Variants in KIAA0825 observed in about 807,000 individuals in gnomAD.
KIAA0825 encodes the protein KIAA0825, also known as uncharacterized protein KIAA0825.
Under a neutral mutation model 147.6 loss-of-function variants are expected in KIAA0825, and 119 were observed. The observed-to-expected ratio is 0.81, with a 90% CI of 0.69 to 0.94. The LOEUF (loss-of-function observed/expected upper bound fraction) is 0.94. Among genes scored for constraint, KIAA0825 ranks in the 40% least tolerant of loss-of-function variants. KIAA0825 has a pLI of 0.00. For synonymous variants in KIAA0825, 470 were observed against 518.1 expected (o/e 0.91, Z 1.26); for missense variants, 1,381 against 1,472.7 (o/e 0.94, Z 1.02).
chr5:94,583,525 C>T (rs1042520941), intron 1 of KIAA0825, among the ~76,000 whole-genome samples: 1 of 152,214 alleles, frequency 6.6e-6, no homozygotes, highest in Admixed American at 6.5e-5. Flanking sequence ...GGCCCAGAAG[C>T]TCGAACTGGG....
chr5:94,185,834 A>G (rs924726443), intron 20 of KIAA0825, among the ~76,000 whole-genome samples: 6 of 152,230 alleles, frequency 3.9e-5, no homozygotes, highest in Non-Finnish European at 5.9e-5. Flanking sequence ...ATCATTTACT[A>G]GCAAGTTACA....
rs1302245620 is a variant in KIAA0825 at position 94,417,207 on chromosome 5, T to G, written c.2656A>C (p.Ile886Leu). Reference protein sequence around the residue: ...EEQLWDFLYNIPVSTCVEYEL... With the variant: ...EEQLWDFLYNLPVSTCVEYEL... ...AACAGTAAATGTCTCATACCTGGGA[T>G]GTTATATAAAAAGTCCCATAATTGC... The change falls in exon 15 of 21, where the codon ATC becomes CTC. Residue 886 changes from isoleucine to leucine, a missense_variant. Coordinates refer to ENST00000682413, the MANE Select transcript of KIAA0825 (RefSeq NM_001145678.3). 2 of 1,550,360 alleles carry G rather than the reference T, an allele frequency of 1.3e-6. No individual in the cohort carries two copies. Among genetic ancestry groups the G allele is most frequent in the Non-Finnish European group, 1.7e-6 (2 of 1,146,094 alleles).
intron 20 of KIAA0825, among the ~76,000 whole-genome samples, chr5:94,206,781 TA>T (rs1772240026): frequency 6.6e-6 from 1 of 152,174 alleles, no homozygotes; most frequent in Non-Finnish European, 1.5e-5. Context: ...GTCTCTCCTA[TA>T]AGGTCTCATC....
At chr5:94,417,394 A>ATTTCTTGAAAG in intron 14 of KIAA0825, 29 bp from the exon 15 acceptor site, 1 of 1,524,806 alleles carries the variant, frequency 6.6e-7, no homozygotes, top group Non-Finnish European at 8.9e-7. Flanking sequence ...GAAAGGAATC[A>ATTTCTTGAAAG]AAATGATTTA....
intron 20 of KIAA0825, among the ~76,000 whole-genome samples, chr5:94,215,509 A>C (rs904247540): frequency 2.2e-4 from 34 of 152,202 alleles, no homozygotes; most frequent in Non-Finnish European, 2.9e-5. Context: ...CAAACAATGT[A>C]GAAATATGGT....
chr5:94,458,754 A>T (rs73773671), intron 12 of KIAA0825, among the ~76,000 whole-genome samples: 4,303 of 148,628 alleles, frequency 0.029, 152 homozygotes, highest in African/African-American at 0.083. Flanking sequence ...CTTTTTTTTA[A>T]AAAAAAAAAA....
In KIAA0825 at chr5:94,512,857, C is replaced by T. The variant is rs919696248; in HGVS notation, c.970+7391G>A. ...GTTGCAGTGAGCTGAGATCGCATCA[C>T]TGCACTCCAGCCTGAGCGATAGAGC... is the stretch of plus-strand genomic sequence containing the variant. On this transcript the variant is annotated intron_variant, in intron 5 of 20. Transcript: ENST00000682413. Among the ~76,000 whole-genome samples the T allele has an allele frequency of 2.0e-4, 30 of 152,072 alleles. 1 individual carries two copies. The highest frequency in any genetic ancestry group is 2.0e-3 in the Admixed American group (30 of 15,262).
chr5:94,159,833 T>A (rs1302971912), intron 20 of KIAA0825, among the ~76,000 whole-genome samples: 1 of 152,234 alleles, frequency 6.6e-6, no homozygotes. Context: ...TATAAAAATG[T>A]AACTTAAGCC....
chr5:94,276,091 G>A (rs1189694880), intron 20 of KIAA0825, among the ~76,000 whole-genome samples: 1 of 152,080 alleles, frequency 6.6e-6, no homozygotes, highest in East Asian at 1.9e-4. Flanking sequence ...TTCACTGCAT[G>A]CTAGGTCTCT....
intron 2 of KIAA0825, among the ~76,000 whole-genome samples, chr5:94,577,253 A>C (rs1218997426): frequency 1.3e-5 from 2 of 152,208 alleles, no homozygotes; most frequent in African/African-American, 4.8e-5. Context: ...GAAAATGTAA[A>C]AAAGAAAAAA....
intron 20 of KIAA0825, among the ~76,000 whole-genome samples, chr5:94,345,306 T>A (rs1194720514): frequency 6.6e-6 from 1 of 152,174 alleles, no homozygotes; most frequent in African/African-American, 2.4e-5. Context: ...CTGCTTGATA[T>A]ACTTCACAAT....
chr5:94,540,017 C>A (rs1317043429), intron 2 of KIAA0825, among the ~76,000 whole-genome samples: 1 of 152,032 alleles, frequency 6.6e-6, no homozygotes, highest in African/African-American at 2.4e-5. Context: ...TGGAAAAGAC[C>A]CCTTTGTGAC....
chr5:94,203,722 A>G (rs1347024126), intron 20 of KIAA0825, among the ~76,000 whole-genome samples: 3 of 152,154 alleles, frequency 2.0e-5, no homozygotes, highest in Admixed American at 1.3e-4. Flanking sequence ...CAGATATTGT[A>G]AATTACTCAT....
intron 20 of KIAA0825, among the ~76,000 whole-genome samples, chr5:94,365,168 C>G (rs988111512): frequency 1.3e-5 from 2 of 152,182 alleles, no homozygotes; most frequent in African/African-American, 4.8e-5. Flanking sequence ...CATGGATGTG[C>G]ATGGGCCAGA....
intron 5 of KIAA0825, among the ~76,000 whole-genome samples, chr5:94,487,084 G>A (rs1763143634): frequency 6.6e-6 from 1 of 152,148 alleles, no homozygotes; most frequent in African/African-American, 2.4e-5. Context: ...CTTGCTACTT[G>A]CTGACAATTA....
intron 20 of KIAA0825, among the ~76,000 whole-genome samples, chr5:94,262,735 T>A (rs1044603480): frequency 2.6e-5 from 4 of 152,152 alleles, no homozygotes; most frequent in Non-Finnish European, 5.9e-5. Context: ...TGTATCTATG[T>A]CCCCTTATTA....
chr5:94,461,002 C>T (rs1193360263), intron 12 of KIAA0825, among the ~76,000 whole-genome samples: 1 of 151,828 alleles, frequency 6.6e-6, no homozygotes, highest in African/African-American at 2.4e-5. Flanking sequence ...GTTCTGTAAT[C>T]CTGATTGAAA....
intron 20 of KIAA0825, among the ~76,000 whole-genome samples, chr5:94,320,736 C>T (rs557276526): frequency 6.6e-6 from 1 of 152,020 alleles, no homozygotes; most frequent in Non-Finnish European, 1.5e-5. Context: ...CATTCAGACA[C>T]TCCAAATCTT....
chr5:94,569,260 T>C, intron 2 of KIAA0825: 1 of 260,582 alleles, frequency 3.8e-6, no homozygotes, highest in Non-Finnish European at 7.4e-6. Context: ...TGCTGTAGTG[T>C]ACCCAAAAAC....
Sources: gnomAD v4.1 joint callset for allele counts (sites outside exome capture counted in the v4.1 genomes callset) on GRCh38, gnomAD v4.1.1 for gene constraint, MANE v1.5 for transcripts, NCBI Gene and HGNC (gene_info 2026-07-23, HGNC 2026-07-21) for gene names.